Variants in NPHP4 observed in about 807,000 individuals in gnomAD.
NPHP4 encodes nephrocystin 4.
In NPHP4, 151 loss-of-function variants were observed where a neutral mutation model predicts 155.8. The observed-to-expected ratio is 0.97, with a 90% CI of 0.85 to 1.11. The LOEUF is 1.11. Ranked by LOEUF, NPHP4 falls within the 50% of genes least tolerant of loss-of-function variation. The pLI, the probability that NPHP4 is intolerant of heterozygous loss-of-function variation, is 0.00. For synonymous variants in NPHP4, 845 were observed against 816.8 expected (o/e 1.03, Z -0.59); for missense variants, 1,956 against 1,925.7 (o/e 1.02, Z -0.29).
In NPHP4 at chr1:5,905,885, G is replaced by C. The variant is rs1644893522; in HGVS notation, c.1612-102C>G. ...GGGATTCATCGATTAATTGCCTCTG[G>C]AGGGTTGCCAGCTCTAGCAAATACA... is the stretch of plus-strand genomic sequence containing the variant. On this transcript the variant is annotated intron_variant, in intron 13 of 29. Coordinates refer to ENST00000378156, the MANE Select transcript of NPHP4 (RefSeq NM_015102.5). The surrounding 1 kb of genome is among the most constrained non-coding windows in gnomAD (Gnocchi z 4.0). 4 of 1,123,652 alleles carry C rather than the reference G, an allele frequency of 3.6e-6. No individual in the cohort carries two copies. The highest frequency in any genetic ancestry group is 3.8e-6 in the Non-Finnish European group (3 of 793,156). 69.6% of individuals were successfully genotyped at this position (1,123,652 alleles called of 1,614,324 possible). A position where few individuals can be genotyped will look rare whatever the true frequency, so the allele number is the denominator to read the frequency against.
chr1:5,953,346 C>T lies in NPHP4; in HGVS notation c.674-510G>A, dbSNP rs548430331. Among the ~76,000 whole-genome samples, 244 of 152,272 alleles carry T rather than the reference C, an allele frequency of 1.6e-3. 1 individual carries two copies. The highest frequency in any genetic ancestry group is 6.8e-3 in the Middle Eastern group (2 of 294). On this transcript the variant is annotated intron_variant, in intron 6 of 29. Transcript: ENST00000378156. ...GTCTCGAACTCCTAACCTTGTGATC[C>T]GCCTACCTCGGCCTCCCAAAGTGCT...
chr1:5,904,709 T>G lies in NPHP4; in HGVS notation c.2051A>C (p.Gln684Pro). The G allele has an allele frequency of 1.9e-6, 3 of 1,614,058 alleles. No individual in the cohort carries two copies. Among genetic ancestry groups the G allele is most frequent in the Non-Finnish European group, 2.5e-6 (3 of 1,179,906 alleles). Residue 684 changes from glutamine (Q) to proline (P), a missense_variant, in exon 16 of 30, where the codon CAG (glutamine) becomes CCG (proline). Physicochemically the swap from Gln to Pro is moderately conservative, Grantham distance 76. Transcript: ENST00000378156. ...RFPPATTPRLQLVQLDEAGQP... is the reference protein window; with the variant it reads ...RFPPATTPRLPLVQLDEAGQP... ...GCCGGCCTCATCCAGCTGGACCAGC[T>G]GCAGTCGTGGCGTCGTTGCGGGTGG...
intron 16 of NPHP4, among the ~76,000 whole-genome samples, chr1:5,897,879 T>A (rs894648803): frequency 1.3e-5 from 2 of 152,254 alleles, no homozygotes. Context: ...TTACCATGCA[T>A]GTCAACAACT....
At chr1:5,920,171 T>C (rs1645670464) in intron 11 of NPHP4, among the ~76,000 whole-genome samples, 1 of 152,172 alleles carries the variant, frequency 6.6e-6, no homozygotes. Flanking sequence ...AACCTCATGA[T>C]ATGCCCGCCT....
rs760606576 is a variant in NPHP4 at position 5,933,302 on chromosome 1, G to A, written c.1147C>T (p.Leu383=). ...NAASVTSLSN[L]ACMHMVRWAV... The stretch of plus-strand genomic sequence containing the variant: ...CAGCGGACCATGTGCATGCATGCCA[G>A]GTTGGACAGAGAGGTGACCGAAGCT... The change falls in exon 10 of 30, where the codon CTG becomes TTG. Residue 383 remains leucine (L), a synonymous_variant. Transcript: ENST00000378156. The A allele has an allele frequency of 2.5e-6, 4 of 1,613,344 alleles. No individual in the cohort carries two copies. The South Asian group carries it at 4.4e-5, about 18-fold the overall frequency.
In NPHP4 at chr1:5,948,281, G is replaced by A. The variant is rs144986301; in HGVS notation, c.811-30C>T. On this transcript the variant is annotated intron_variant, in intron 7 of 29. Coordinates refer to ENST00000378156, the MANE Select transcript of NPHP4 (RefSeq NM_015102.5). ...AAGAGGCACAGAAGGAATGAGCCCC[G>A]GCACAGACGGAAAGAGGGAGCTCGC... 1.3e-3 allele frequency: 1,967 copies of A among 1,499,998 alleles called. 6 individuals carry two copies. The highest frequency in any genetic ancestry group is 8.0e-3 in the African/African-American group (575 of 71,966). The allele number at this position is 1,499,998 out of a possible 1,614,324, so 92.9% of individuals were successfully genotyped here.
Position 5,875,081 on chromosome 1 carries a change from G to T in NPHP4, c.2837C>A (p.Thr946Lys). 6.2e-7 allele frequency: 1 copy of T among 1,605,410 alleles called. No homozygotes were observed. Residue 946 changes from threonine to lysine, a missense_variant, in exon 21 of 30, where the codon ACA (threonine) becomes AAA (lysine). By Grantham distance (78) the Thr-to-Lys change is moderately conservative. Transcript: ENST00000378156. ...TSVLAQQSVRTQHLRDLQVIA... is the reference protein window; with the variant it reads ...TSVLAQQSVRKQHLRDLQVIA... The stretch of plus-strand genomic sequence containing the variant: ...GACCTGTAGGTCCCGCAAGTGCTGT[G>T]TGCGGACGCTCTGCTGCGCCTGCAG...
At chr1:5,919,836 T>C (rs973499019) in intron 11 of NPHP4, among the ~76,000 whole-genome samples, 2 of 151,776 alleles carry the variant, frequency 1.3e-5, no homozygotes, top group African/African-American at 4.8e-5. Context: ...AATTCCTGGG[T>C]TCAAGCAATT....
At chr1:5,964,941 A>ATATATATAT in intron 5 of NPHP4, among the ~76,000 whole-genome samples, 4 of 59,418 alleles carry the variant, frequency 6.7e-5, no homozygotes, top group African/African-American at 2.5e-4. Context: ...ATATATATAT[A>ATATATATAT]TTTTTTTTTT....
chr1:5,934,761 C>T (rs1196073470), intron 9 of NPHP4, among the ~76,000 whole-genome samples: 3 of 152,166 alleles, frequency 2.0e-5, no homozygotes, highest in South Asian at 2.1e-4. Context: ...CTCTTGGTGA[C>T]GAATGGACGC....
At chr1:5,968,014 C>T (rs188098987) in intron 4 of NPHP4, among the ~76,000 whole-genome samples, 5 of 152,138 alleles carry the variant, frequency 3.3e-5, no homozygotes, top group African/African-American at 7.2e-5. Flanking sequence ...GCCTGGCACG[C>T]GACAGACACT....
rs549408787 is a variant in NPHP4, at chr1:5,985,978, G to A, written c.135+177C>T. On this transcript the variant is annotated intron_variant, in intron 2 of 29. Transcript: ENST00000378156. ...TTAAATAAAATGTTGGGTATCTCCT[G>A]TAATATATTGAAAACAGCACTGAAA... 1.1e-4 allele frequency among the ~76,000 whole-genome samples: 17 copies of A among 152,312 alleles called. No homozygotes were observed. The South Asian group carries it at 3.3e-3, about 30-fold the overall frequency.
intron 9 of NPHP4, among the ~76,000 whole-genome samples, chr1:5,934,337 C>T (rs1174496881): frequency 6.6e-6 from 1 of 152,212 alleles, no homozygotes; most frequent in African/African-American, 2.4e-5. Context: ...CACAGCTGCA[C>T]TGATCAGTAA....
At chr1:5,964,936 TATA>T (rs1557850591) in intron 5 of NPHP4, among the ~76,000 whole-genome samples, 10 of 52,360 alleles carry the variant, frequency 1.9e-4, no homozygotes, top group African/African-American at 1.1e-3. Context: ...TATATATATA[TATA>T]TATTTTTTTT....
chr1:5,867,430 C>T lies in NPHP4; in HGVS notation c.3472+310G>A, dbSNP rs539434642. On this transcript the variant is annotated intron_variant, in intron 24 of 29. Coordinates refer to ENST00000378156, the MANE Select transcript of NPHP4 (RefSeq NM_015102.5). The surrounding 1 kb of genome is among the most constrained non-coding windows in gnomAD (Gnocchi z 4.1). ...TGCACTCTGCTGTAAGGGGCACCTA[C>T]CAGAAACACGCGGGCCGTCAGGTGA... The T allele has an allele frequency of 1.8e-6, 1 of 550,672 alleles. No individual in the cohort carries two copies. The highest frequency in any genetic ancestry group is 2.3e-5 in the South Asian group (1 of 44,242). 34.1% of individuals were successfully genotyped at this position (550,672 alleles called of 1,614,324 possible). A position where few individuals can be genotyped will look rare whatever the true frequency, so the allele number is the denominator to read the frequency against.
intron 18 of NPHP4, among the ~76,000 whole-genome samples, chr1:5,884,777 C>T (rs1436961195): frequency 1.4e-5 from 2 of 146,974 alleles, no homozygotes; most frequent in Non-Finnish European, 3.0e-5. Flanking sequence ...AACCCCCATC[C>T]TACTCCACAA....
chr1:5,898,455 C>T (rs960382346), intron 16 of NPHP4, among the ~76,000 whole-genome samples: 44 of 152,340 alleles, frequency 2.9e-4, no homozygotes, highest in Admixed American at 2.2e-3. Flanking sequence ...TCCAGGCTCA[C>T]GGGCGTGGCT....
rs1420444588 is a variant in NPHP4 at position 5,882,177 on chromosome 1, C to A, written c.2486-1938G>T. On this transcript the variant is annotated intron_variant, in intron 18 of 29. Transcript: ENST00000378156. This position sits in a 1 kb window ranked among gnomAD's most constrained non-coding sequence, Gnocchi z 5.1. ...AAGGCCAGTGGTGCACTTACCCAGCCATCTCTCAGTGGCGCGCTTACCCAG... is the reference window on the plus strand; with the variant it reads ...AAGGCCAGTGGTGCACTTACCCAGCAATCTCTCAGTGGCGCGCTTACCCAG... The A allele has an allele frequency of 6.6e-6, 1 of 152,000 alleles. No homozygotes were observed. The highest frequency in any genetic ancestry group is 1.5e-5 in the Non-Finnish European group (1 of 68,072). The allele number at this position is 152,000 out of a possible 1,614,324, so 9.4% of individuals were successfully genotyped here. A position where few individuals can be genotyped will look rare whatever the true frequency, so the allele number is the denominator to read the frequency against.
intron 11 of NPHP4, among the ~76,000 whole-genome samples, chr1:5,919,093 G>A (rs1011405751): frequency 5.3e-5 from 8 of 152,140 alleles, no homozygotes; most frequent in African/African-American, 1.9e-4. Flanking sequence ...TTAACGTATC[G>A]CCTATATATA....
Sources: allele counts gnomAD v4.1 joint callset (sites outside exome capture counted in the v4.1 genomes callset), GRCh38; gene constraint gnomAD v4.1.1; non-coding constraint Gnocchi (gnomAD v3.1); transcripts MANE v1.5; gene names NCBI Gene and HGNC (gene_info 2026-07-23, HGNC 2026-07-21).